CDH4: variants seen among roughly 807,000 people sequenced by gnomAD.
CDH4 encodes the protein cadherin-4.
CDH4 carries 33 observed loss-of-function variants against 86.0 expected under a neutral mutation model. The observed-to-expected ratio is 0.38, with a 90% CI of 0.29 to 0.51. The LOEUF (loss-of-function observed/expected upper bound fraction) is 0.51. CDH4 is among the 20% of genes least tolerant of loss of function. CDH4 has a pLI of 0.86. For synonymous variants in CDH4, 555 were observed against 549.4 expected (o/e 1.01, Z -0.14); for missense variants, 1,114 against 1,307.4 (o/e 0.85, Z 2.28).
intron 2 of CDH4, among the ~76,000 whole-genome samples, chr20:61,565,260 G>GCGGTGCTCTTGGTGA (rs1312523506): frequency 2.9e-5 from 3 of 101,792 alleles, no homozygotes; most frequent in Admixed American, 9.7e-5. Context: ...CTTGGTGATG[G>GCGGTGCTCTTGGTGA]TGGTGGTGGT....
chr20:61,793,155 G>A (rs923004753), intron 4 of CDH4, among the ~76,000 whole-genome samples: 13 of 151,570 alleles, frequency 8.6e-5, no homozygotes, highest in African/African-American at 2.9e-4. Context: ...AGTAGAGACC[G>A]GTTATCACCA....
chr20:61,687,128 G>A (rs1030651023), intron 2 of CDH4, among the ~76,000 whole-genome samples: 1 of 152,282 alleles, frequency 6.6e-6, no homozygotes, highest in Non-Finnish European at 1.5e-5. Flanking sequence ...AGACTTCACT[G>A]GCAACACTGA....
At chr20:61,611,318 C>T (rs1393455968) in intron 2 of CDH4, among the ~76,000 whole-genome samples, 1 of 152,102 alleles carries the variant, frequency 6.6e-6, no homozygotes, top group Non-Finnish European at 1.5e-5. Context: ...CCCTAAGTCA[C>T]CTCATTAGCA....
intron 2 of CDH4, among the ~76,000 whole-genome samples, chr20:61,551,447 C>A (rs1048432521): frequency 6.6e-6 from 1 of 152,188 alleles, no homozygotes; most frequent in African/African-American, 2.4e-5. Flanking sequence ...GATAAAGGAA[C>A]AGAACCTCCC....
chr20:61,686,923 C>T (rs755322257), intron 2 of CDH4, among the ~76,000 whole-genome samples: 46 of 152,182 alleles, frequency 3.0e-4, no homozygotes, highest in Admixed American at 4.6e-4. Context: ...TTAAAGCTTC[C>T]CCTCCAAACC....
At chr20:61,424,339 CAA>C (rs1435309154) in intron 2 of CDH4, among the ~76,000 whole-genome samples, 1 of 150,300 alleles carries the variant, frequency 6.7e-6, no homozygotes, top group Non-Finnish European at 1.5e-5. Flanking sequence ...CACATGTATC[CAA>C]ACACACTCAT....
At chr20:61,575,505 T>C (rs1294651761) in intron 2 of CDH4, among the ~76,000 whole-genome samples, 1 of 152,218 alleles carries the variant, frequency 6.6e-6, no homozygotes, top group African/African-American at 2.4e-5. Flanking sequence ...TTAAATCTCT[T>C]CGTGACAGTT....
At chr20:61,727,597 C>T (rs958351261) in intron 2 of CDH4, among the ~76,000 whole-genome samples, 5 of 152,206 alleles carry the variant, frequency 3.3e-5, no homozygotes, top group African/African-American at 4.8e-5. Flanking sequence ...GGAAGTATGG[C>T]ATGGGCATCT....
chr20:61,466,914 G>C (rs904192568), intron 2 of CDH4, among the ~76,000 whole-genome samples: 2 of 148,344 alleles, frequency 1.3e-5, no homozygotes, highest in Non-Finnish European at 3.0e-5. Flanking sequence ...GGGGGTGGGG[G>C]CAACCAAACT....
At chr20:61,788,599 C>A (rs185022594) in intron 4 of CDH4, among the ~76,000 whole-genome samples, 24 of 152,186 alleles carry the variant, frequency 1.6e-4, no homozygotes, top group African/African-American at 4.6e-4. Context: ...GCTCCCAGCC[C>A]GGCAGTGTTT....
intron 4 of CDH4, among the ~76,000 whole-genome samples, chr20:61,803,119 G>A (rs1236235447): frequency 3.3e-5 from 5 of 152,336 alleles, no homozygotes; most frequent in East Asian, 1.9e-4. Context: ...TCAGCAGCGC[G>A]GCGAGTCGCA....
chr20:61,321,633 C>T (rs894033122), intron 2 of CDH4, among the ~76,000 whole-genome samples: 4 of 152,158 alleles, frequency 2.6e-5, no homozygotes, highest in Non-Finnish European at 5.9e-5. Context: ...GGAGGACTTC[C>T]GGCTTCGTCA....
intron 4 of CDH4, among the ~76,000 whole-genome samples, chr20:61,794,222 C>G (rs908509863): frequency 6.6e-6 from 1 of 151,604 alleles, no homozygotes; most frequent in Non-Finnish European, 1.5e-5. Flanking sequence ...AAGCCTGGGC[C>G]CCTGGGAGAA....
At chr20:61,865,180 G>C (rs1442411596) in intron 6 of CDH4, among the ~76,000 whole-genome samples, 4 of 152,154 alleles carry the variant, frequency 2.6e-5, no homozygotes, top group Non-Finnish European at 5.9e-5. Context: ...TCCGGCAGGA[G>C]GCAGTGAGCT....
chr20:61,573,009 G>C (rs2086354468), intron 2 of CDH4, among the ~76,000 whole-genome samples: 2 of 148,240 alleles, frequency 1.3e-5, no homozygotes, highest in Non-Finnish European at 3.0e-5. Context: ...CGGATGGATG[G>C]ATTGATGGAT....
At chr20:61,899,166 G>A (rs1985267860) in intron 8 of CDH4, among the ~76,000 whole-genome samples, 2 of 151,964 alleles carry the variant, frequency 1.3e-5, no homozygotes, top group South Asian at 4.2e-4. Context: ...TTAGCCGGGT[G>A]TGGTGGTGCG....
chr20:61,926,878 AG>A (rs2055050223), intron 11 of CDH4, among the ~76,000 whole-genome samples: 1 of 150,872 alleles, frequency 6.6e-6, no homozygotes, highest in Non-Finnish European at 1.5e-5. Context: ...ATCTCAAAAA[AG>A]AAAAAAAAGA....
intron 2 of CDH4, among the ~76,000 whole-genome samples, chr20:61,590,150 G>C (rs981725072): frequency 4.3e-4 from 63 of 146,024 alleles, no homozygotes; most frequent in Non-Finnish European, 6.2e-4. Flanking sequence ...CTGCTGTAGG[G>C]AGATGGACGT....
intron 2 of CDH4, among the ~76,000 whole-genome samples, chr20:61,500,176 G>A: frequency 6.6e-6 from 1 of 152,182 alleles, no homozygotes; most frequent in Non-Finnish European, 1.5e-5. Context: ...TCAGTAACAT[G>A]TTCATACTAC....
Sources: allele counts gnomAD v4.1 joint callset (sites outside exome capture counted in the v4.1 genomes callset), GRCh38; gene constraint gnomAD v4.1.1; transcripts MANE v1.5; gene names NCBI Gene and HGNC (gene_info 2026-07-23, HGNC 2026-07-21).